Variants in ZNF704 observed in about 807,000 individuals in gnomAD.
ZNF704 encodes the protein glucocorticoid induced gene 1.
ZNF704 carries 10 observed loss-of-function variants against 44.7 expected under a neutral mutation model. The ratio of observed to expected loss-of-function variants is 0.22; its 90% CI spans 0.14 to 0.38. The LOEUF is 0.38. ZNF704 is among the 10% of genes least tolerant of loss of function. The pLI is 1.00. For missense variants in ZNF704, 390 were observed against 545.5 expected (o/e 0.71, Z 2.84); for synonymous variants, 211 against 207.6 (o/e 1.02, Z -0.14).
At chr8:80,680,979 T>C (rs769359764) in intron 4 of ZNF704, among the ~76,000 whole-genome samples, 9 of 152,264 alleles carry the variant, frequency 5.9e-5, no homozygotes, top group Non-Finnish European at 1.3e-4. Context: ...TGTATTCTTT[T>C]GTGCCTGGCT....
chr8:80,832,297 T>G (rs182608262), intron 1 of ZNF704, among the ~76,000 whole-genome samples: 2 of 152,320 alleles, frequency 1.3e-5, no homozygotes, highest in Non-Finnish European at 2.9e-5. Flanking sequence ...TCGATGCAAC[T>G]TCCTAAGACA....
intron 2 of ZNF704, among the ~76,000 whole-genome samples, chr8:80,725,666 C>G (rs1400268423): frequency 6.6e-6 from 1 of 152,050 alleles, no homozygotes; most frequent in Non-Finnish European, 1.5e-5. Flanking sequence ...AACTTAGAGT[C>G]AGCAATGAAA....
At position 80,839,495 on chromosome 8, in the gene ZNF704, A is replaced by T. The variant is rs549984524; in HGVS notation, c.-21-17880T>A. Among the ~76,000 whole-genome samples the T allele has an allele frequency of 3.0e-4, 46 of 152,372 alleles. No homozygotes were observed. In the South Asian group the frequency reaches 9.1e-3, roughly 30 times the overall value. ...CTAGCTGCACAGATGACTAAATAAA[A>T]TATGTTAATAAATGCAGCTAGAGTG... On this transcript the variant is annotated intron_variant, in intron 1 of 8. Coordinates refer to ENST00000327835, the MANE Select transcript of ZNF704 (RefSeq NM_001033723.3).
intron 2 of ZNF704, among the ~76,000 whole-genome samples, chr8:80,797,211 C>A (rs1291740072): frequency 6.6e-6 from 1 of 152,174 alleles, no homozygotes; most frequent in Non-Finnish European, 1.5e-5. Context: ...CTGGGTTCAG[C>A]CCATGCTGGC....
At position 80,829,451 on chromosome 8, in the gene ZNF704, G is replaced by A. The variant is rs56812208; in HGVS notation, c.-21-7836C>T. On this transcript the variant is annotated intron_variant, in intron 1 of 8. Transcript: ENST00000327835. ...ATTGCTTCTAAGTGTCAAGTATTAC[G>A]TTAATTAAATATTTAAGTCTTCACA... is the stretch of plus-strand genomic sequence containing the variant. Among the ~76,000 whole-genome samples the A allele has an allele frequency of 1.5e-3, 233 of 152,248 alleles. 1 individual carries two copies. Among genetic ancestry groups the A allele is most frequent in the African/African-American group, 5.0e-3 (207 of 41,558 alleles).
chr8:80,667,171 G>A (rs1032070743), intron 5 of ZNF704, among the ~76,000 whole-genome samples: 1 of 152,122 alleles, frequency 6.6e-6, no homozygotes, highest in East Asian at 1.9e-4. Flanking sequence ...GCTGGAGCTC[G>A]GGACCCCAGG....
intron 6 of ZNF704, among the ~76,000 whole-genome samples, chr8:80,662,776 A>G (rs1164128692): frequency 6.6e-6 from 1 of 152,256 alleles, no homozygotes; most frequent in Non-Finnish European, 1.5e-5. Context: ...TATTCTTCTG[A>G]GAATTTAAAC....
At position 80,821,561 on chromosome 8, in the gene ZNF704, G is replaced by T. The variant is rs367630866; in HGVS notation, c.34C>A (p.Arg12Ser). 1.2e-6 allele frequency: 2 copies of T among 1,613,830 alleles called. No homozygotes were observed. The highest frequency in any genetic ancestry group is 1.1e-5 in the South Asian group (1 of 90,938). Residue 12 changes from arginine to serine, a missense_variant, in exon 2 of 9, where the codon CGT becomes AGT. Arg to Ser is a moderately radical substitution (Grantham distance 110, BLOSUM62 -1). This residue lies in a region of ZNF704 where 80 missense variants were observed against 83.7 expected (regional missense o/e 0.96). Coordinates refer to ENST00000327835, the MANE Select transcript of ZNF704 (RefSeq NM_001033723.3). ...TFTFQSEDLK[R>S]DCGKKMSHQH... The stretch of plus-strand genomic sequence containing the variant: ...TGAGACATTTTTTTACCACAGTCAC[G>T]TTTTAAGTCCTCTGACTGAAATGTG...
At position 80,640,469 on chromosome 8, in the gene ZNF704, C is replaced by G. The variant is rs1459330950; in HGVS notation, c.*897G>C. ...TACAATCTTGACAGACAAGCAGTAACAAATAGCTCCGAGTTGCCATTTGTG... is the reference window on the plus strand; with the variant it reads ...TACAATCTTGACAGACAAGCAGTAAGAAATAGCTCCGAGTTGCCATTTGTG... On this transcript the variant is annotated 3_prime_UTR_variant, in exon 9 of 9. Coordinates refer to ENST00000327835, the MANE Select transcript of ZNF704 (RefSeq NM_001033723.3). The G allele has an allele frequency of 6.6e-6, 1 of 152,474 alleles. No individual in the cohort carries two copies. 9.4% of individuals were successfully genotyped at this position (152,474 alleles called of 1,614,324 possible). A position where few individuals can be genotyped will look rare whatever the true frequency, so the allele number is the denominator to read the frequency against.
At chr8:80,867,515 C>T (rs1308700210) in intron 1 of ZNF704, among the ~76,000 whole-genome samples, 1 of 151,958 alleles carries the variant, frequency 6.6e-6, no homozygotes, top group Non-Finnish European at 1.5e-5. Flanking sequence ...GGCATACCAC[C>T]CTGCATAGTC....
At chr8:80,779,234 C>T (rs1208080597) in intron 2 of ZNF704, among the ~76,000 whole-genome samples, 1 of 151,966 alleles carries the variant, frequency 6.6e-6, no homozygotes, top group African/African-American at 2.4e-5. Context: ...TTTACATAAT[C>T]CTTTTAAATT....
At chr8:80,875,390 C>T (rs1248059500), upstream of ZNF704, among the ~76,000 whole-genome samples, 1 of 152,086 alleles carries the variant, frequency 6.6e-6, no homozygotes, top group African/African-American at 2.4e-5. Context: ...CTGTAACCTC[C>T]GCCACCTGGG....
At chr8:80,839,762 G>C (rs1243567553) in intron 1 of ZNF704, among the ~76,000 whole-genome samples, 1 of 152,136 alleles carries the variant, frequency 6.6e-6, no homozygotes, top group Non-Finnish European at 1.5e-5. Flanking sequence ...AGACATGCTT[G>C]AGGGGTTCCA....
intron 2 of ZNF704, among the ~76,000 whole-genome samples, chr8:80,772,313 C>T (rs944678658): frequency 5.3e-5 from 8 of 151,892 alleles, no homozygotes; most frequent in East Asian, 1.9e-4. Flanking sequence ...TTTCAAAGAA[C>T]GAAATTGTAT....
intron 2 of ZNF704, among the ~76,000 whole-genome samples, chr8:80,806,995 A>G (rs1808000172): frequency 1.3e-5 from 2 of 152,234 alleles, no homozygotes; most frequent in South Asian, 4.1e-4. Context: ...GTTTTGCTAC[A>G]TATGCAGGAG....
chr8:80,763,914 T>G (rs773302862), intron 2 of ZNF704, among the ~76,000 whole-genome samples: 15 of 152,190 alleles, frequency 9.9e-5, no homozygotes, highest in Non-Finnish European at 1.3e-4. Flanking sequence ...GTATTTTTGT[T>G]AAAGCACAGC....
At chr8:80,776,229 T>TTCA (rs1773236244) in intron 2 of ZNF704, among the ~76,000 whole-genome samples, 2 of 152,192 alleles carry the variant, frequency 1.3e-5, no homozygotes, top group South Asian at 4.1e-4. Flanking sequence ...CAAGAGACCC[T>TTCA]GAAGTAGAAT....
chr8:80,717,161 T>C (rs185314240), intron 2 of ZNF704, among the ~76,000 whole-genome samples: 122 of 152,334 alleles, frequency 8.0e-4, no homozygotes, highest in African/African-American at 2.9e-3. Context: ...CCAACTGTAG[T>C]CCACCCATCA....
intron 1 of ZNF704, among the ~76,000 whole-genome samples, chr8:80,851,073 T>C (rs1029243384): frequency 1.3e-5 from 2 of 152,226 alleles, no homozygotes; most frequent in African/African-American, 2.4e-5. Context: ...GTATAGCCCA[T>C]TGCTCCTAAG....
Sources: gnomAD v4.1 joint callset for allele counts (sites outside exome capture counted in the v4.1 genomes callset) on GRCh38, gnomAD v4.1.1 for gene constraint, gnomAD v4.1.1 regional missense constraint, MANE v1.5 for transcripts, NCBI Gene and HGNC (gene_info 2026-07-23, HGNC 2026-07-21) for gene names.